Variants in KDM4B observed in about 807,000 individuals in gnomAD.
The protein encoded by KDM4B is lysine-specific demethylase 4B.
In KDM4B, 32 loss-of-function variants were observed where a neutral mutation model predicts 125.2. That is an observed-to-expected ratio of 0.26 (90% CI 0.19 to 0.34). The LOEUF is 0.34. Ranked by LOEUF, KDM4B falls within the 10% of genes least tolerant of loss-of-function variation. KDM4B has a pLI of 1.00. For missense variants in KDM4B, 1,190 were observed against 1,577.7 expected (o/e 0.75, Z 4.16); for synonymous variants, 721 against 677.9 (o/e 1.06, Z -0.99).
intron 9 of KDM4B, among the ~76,000 whole-genome samples, chr19:5,105,163 G>C (rs1182648121): frequency 1.3e-5 from 2 of 152,222 alleles, no homozygotes; most frequent in Non-Finnish European, 2.9e-5. Context: ...ACAGGACCCA[G>C]AGCGGGGCAG....
Position 4,971,960 on chromosome 19 carries a change from GCT to G in KDM4B, c.-109+2732_-109+2733del, listed in dbSNP as rs1283547619. 6.6e-6 allele frequency among the ~76,000 whole-genome samples: 1 copy of G among 152,074 alleles called. No homozygotes were observed. The highest frequency in any genetic ancestry group is 2.4e-5 in the African/African-American group (1 of 41,416). The stretch of plus-strand genomic sequence containing the variant: ...AGGGTGGGGGCTCGGGGCGGGGGGA[GCT>G]CCGCAGGCCTGCACTGGTCACCGCC... On this transcript the variant is annotated intron_variant, in intron 1 of 22. Transcript: ENST00000159111. The surrounding 1 kb of genome is among the most constrained non-coding windows in gnomAD (Gnocchi z 4.1).
chr19:5,134,143 C>G (rs952646473), intron 14 of KDM4B, 82 bp downstream of exon 14: 1 of 1,326,994 alleles, frequency 7.5e-7, no homozygotes, highest in African/African-American at 1.5e-5. Context: ...ACCCCACACG[C>G]CTCCCTCTCT....
At chr19:5,009,370 C>G (rs1165758046) in intron 1 of KDM4B, among the ~76,000 whole-genome samples, 1 of 152,186 alleles carries the variant, frequency 6.6e-6, no homozygotes, top group South Asian at 2.1e-4. Flanking sequence ...AGTTCTTTCA[C>G]TCAAGAAGGA....
At position 4,971,915 on chromosome 19, in the gene KDM4B, G is replaced by T. The variant is rs1055935187; in HGVS notation, c.-109+2685G>T. ...TCTTTCGGAGCCCACTGGGCAGGAGGGGACGGAGAGCAGATGAACAGGGTG... is the reference window on the plus strand; with the variant it reads ...TCTTTCGGAGCCCACTGGGCAGGAGTGGACGGAGAGCAGATGAACAGGGTG... On this transcript the variant is annotated intron_variant, in intron 1 of 22. Transcript: ENST00000159111. This position sits in a 1 kb window ranked among gnomAD's most constrained non-coding sequence, Gnocchi z 4.1. Among the ~76,000 whole-genome samples, 1 of 151,858 alleles carries T rather than the reference G, an allele frequency of 6.6e-6. No homozygotes were observed. Among genetic ancestry groups the T allele is most frequent in the Non-Finnish European group, 1.5e-5 (1 of 67,932 alleles).
chr19:5,144,362 A>C lies in KDM4B; in HGVS notation c.2851A>C (p.Asn951His). The C allele has an allele frequency of 1.4e-6, 2 of 1,384,740 alleles. No homozygotes were observed. The highest frequency in any genetic ancestry group is 1.9e-6 in the Non-Finnish European group (2 of 1,054,728). 85.8% of individuals were successfully genotyped at this position (1,384,740 alleles called of 1,614,324 possible). ...CGCCTCGCAGACCTGCTACGAAGTG[A>C]ACTTCGACGATGGCTCCTACAGCGA... is the stretch of plus-strand genomic sequence containing the variant. ...GAASQTCYEVNFDDGSYSDNL... is the reference protein window; with the variant it reads ...GAASQTCYEVHFDDGSYSDNL... The change falls in exon 20 of 23, where the codon AAC becomes CAC. Residue 951 changes from asparagine (N) to histidine (H), a missense_variant. Asn to His is a moderately conservative substitution (Grantham distance 68). Around this residue, in one of 7 missense-constraint regions of KDM4B, gnomAD observed 298 missense variants for 439.7 expected, o/e 0.68. Transcript: ENST00000159111.
chr19:5,152,162 C>T lies in KDM4B; in HGVS notation c.*651C>T, dbSNP rs776563005. 16 of 152,338 alleles carry T rather than the reference C, an allele frequency of 1.1e-4. No individual in the cohort carries two copies. The South Asian group carries it at 2.1e-3, about 20-fold the overall frequency. 9.4% of individuals were successfully genotyped at this position (152,338 alleles called of 1,614,324 possible). ...GGCACAGCCCGGTCACTCACGGCCT[C>T]GCTCTCGCCTCACCCCGGCTCCTGG... On this transcript the variant is annotated 3_prime_UTR_variant, in exon 23 of 23. Transcript: ENST00000159111.
intron 16 of KDM4B, 47 bp from the exon 17 acceptor site, chr19:5,137,574 G>T (rs1344094862): frequency 1.3e-6 from 2 of 1,565,638 alleles, no homozygotes; most frequent in South Asian, 1.1e-5. Flanking sequence ...AGTGTGTGGG[G>T]AGCCTGCTCC....
intron 2 of KDM4B, among the ~76,000 whole-genome samples, chr19:5,021,636 G>GTT (rs397859195): frequency 0.071 from 8,927 of 126,140 alleles, 490 homozygotes; most frequent in Non-Finnish European, 0.1. Context: ...CCTGGCACAG[G>GTT]TTTTTTTTTT....
At chr19:4,980,853 T>C (rs169080) in intron 1 of KDM4B, among the ~76,000 whole-genome samples, 99,264 of 151,688 alleles carry the variant, frequency 0.65, 32,555 homozygotes, top group East Asian at 0.74. Context: ...CTCCCCAGTC[T>C]GTGGCAGAGC....
chr19:5,070,832 G>C, intron 6 of KDM4B, 178 bp from the exon 7 acceptor site: 1 of 524,050 alleles, frequency 1.9e-6, no homozygotes, highest in South Asian at 2.9e-5. Flanking sequence ...GCTTCCTTAC[G>C]GATTCCGTCC....
chr19:5,132,675 C>G (rs1158279837), intron 13 of KDM4B, among the ~76,000 whole-genome samples: 3 of 152,026 alleles, frequency 2.0e-5, no homozygotes, highest in Non-Finnish European at 2.9e-5. Flanking sequence ...TGCCTTCTAC[C>G]CAGGTATCCT....
intron 17 of KDM4B, 93 bp downstream of exon 17, chr19:5,137,769 G>T: frequency 1.6e-6 from 2 of 1,240,728 alleles, no homozygotes; most frequent in South Asian, 2.9e-5. Flanking sequence ...CCTAGGGGTT[G>T]ACCATCACCT....
chr19:5,149,132 G>A (rs1230740681), intron 21 of KDM4B, among the ~76,000 whole-genome samples: 1 of 152,208 alleles, frequency 6.6e-6, no homozygotes, highest in African/African-American at 2.4e-5. Context: ...CACAGGGACC[G>A]GCAGGCTTGG....
chr19:4,977,486 C>A (rs973008585), intron 1 of KDM4B, among the ~76,000 whole-genome samples: 4 of 152,214 alleles, frequency 2.6e-5, no homozygotes, highest in Admixed American at 2.0e-4. Context: ...GCATAGACCT[C>A]CCGTCAGCAT....
At chr19:5,103,556 C>G (rs73546209) in intron 9 of KDM4B, among the ~76,000 whole-genome samples, 1 of 152,128 alleles carries the variant, frequency 6.6e-6, no homozygotes, top group Non-Finnish European at 1.5e-5. Context: ...CACCAGCTGA[C>G]GGGCCAGCCA....
chr19:5,018,087 G>A (rs1345192910), intron 2 of KDM4B, among the ~76,000 whole-genome samples: 2 of 152,232 alleles, frequency 1.3e-5, no homozygotes, highest in Admixed American at 6.5e-5. Flanking sequence ...CACCCAGGCT[G>A]GAGTGCAGTG....
chr19:5,137,877 C>A, intron 17 of KDM4B, 85 bp from the exon 18 acceptor site: 2 of 1,254,726 alleles, frequency 1.6e-6, no homozygotes, highest in Non-Finnish European at 2.2e-6. Context: ...CCTGACCCAG[C>A]CGACAGCCAC....
rs1420923406 is a variant in KDM4B at position 5,115,652 on chromosome 19, G to A, written c.1116-4001G>A. ...AGGCAGGGCCTGCACAGCAAAGAAG[G>A]GCAGAGCTCCGAGGAAAGAGGATGC... is the stretch of plus-strand genomic sequence containing the variant. On this transcript the variant is annotated intron_variant, in intron 10 of 22. Coordinates refer to ENST00000159111, the MANE Select transcript of KDM4B (RefSeq NM_015015.3). This position sits in a 1 kb window ranked among gnomAD's most constrained non-coding sequence, Gnocchi z 4.2. 2.0e-5 allele frequency among the ~76,000 whole-genome samples: 3 copies of A among 152,238 alleles called. No homozygotes were observed. Among genetic ancestry groups the A allele is most frequent in the African/African-American group, 7.2e-5 (3 of 41,452 alleles).
intron 11 of KDM4B, among the ~76,000 whole-genome samples, chr19:5,124,397 G>A (rs948957899): frequency 1.3e-5 from 2 of 152,186 alleles, no homozygotes; most frequent in African/African-American, 4.8e-5. Context: ...TTTACAGAGT[G>A]GAGCTGGCTG....
Sources: gnomAD v4.1 joint callset for allele counts (sites outside exome capture counted in the v4.1 genomes callset) on GRCh38, gnomAD v4.1.1 for gene constraint, gnomAD v4.1.1 regional missense constraint, Gnocchi (gnomAD v3.1) non-coding constraint, MANE v1.5 for transcripts, NCBI Gene and HGNC (gene_info 2026-07-23, HGNC 2026-07-21) for gene names.